The following BTD variants were observed in gnomAD, a reference collection of about 807,000 sequenced individuals.
BTD encodes the protein biocytinase.
BTD carries 13 observed loss-of-function variants against 17.7 expected under a neutral mutation model. The ratio of observed to expected loss-of-function variants is 0.74; its 90% CI spans 0.48 to 1.17. The LOEUF is 1.17. BTD is among the 50% of genes most tolerant of loss of function. The pLI, the probability that BTD is intolerant of heterozygous loss-of-function variation, is 0.00. For missense variants in BTD, 674 were observed against 650.4 expected, an observed-to-expected ratio of 1.04 and a Z score of -0.39; for synonymous variants, 240 against 245.2, an observed-to-expected ratio of 0.98 and a Z score of 0.20.
In BTD at chr3:15,644,503, A is replaced by T; in HGVS notation, c.587A>T (p.Tyr196Phe). The change falls in exon 4 of 4, where the codon TAC becomes TTC. Residue 196 changes from tyrosine to phenylalanine, a missense_variant. By Grantham distance (22) the Tyr-to-Phe change is conservative. Transcript: ENST00000643237. ...GACCGCTACCGTAAACACAACCTCT[A>T]CTTTGAGGCAGCATTCGATGTTCCT... is the stretch of plus-strand genomic sequence containing the variant. ...LVDRYRKHNLYFEAAFDVPLK... is the reference protein window; with the variant it reads ...LVDRYRKHNLFFEAAFDVPLK... 1 of 1,613,976 alleles carries T rather than the reference A, an allele frequency of 6.2e-7. No individual in the cohort carries two copies. The highest frequency in any genetic ancestry group is 8.5e-7 in the Non-Finnish European group (1 of 1,179,968).
At chr3:15,620,034 G>A (rs1447411103) in intron 1 of BTD, among the ~76,000 whole-genome samples, 2 of 152,182 alleles carry the variant, frequency 1.3e-5, no homozygotes, top group East Asian at 1.9e-4. Context: ...AGGGCAAAGG[G>A]CAAAAGCAGA....
At chr3:15,702,715 G>A (rs1248889414) in intron 3 of BTD, among the ~76,000 whole-genome samples, 1 of 152,090 alleles carries the variant, frequency 6.6e-6, no homozygotes, top group East Asian at 1.9e-4. Flanking sequence ...CAGAGCCCTG[G>A]GTAAGGACCA....
rs1042503366 is a variant in BTD at position 15,648,401 on chromosome 3, C to G, written c.*2913C>G. 6.6e-6 allele frequency among the ~76,000 whole-genome samples: 1 copy of G among 152,228 alleles called. No homozygotes were observed. The highest frequency in any genetic ancestry group is 1.5e-5 in the Non-Finnish European group (1 of 68,048). On this transcript the variant is annotated 3_prime_UTR_variant, in exon 4 of 4. Transcript: ENST00000643237. ...TTCCTTCTCAGGCCAGAGAAAGGTC[C>G]TGGTCTCCTGGCTTCAGTCTTTCAT...
chr3:15,646,737 T>C lies in BTD; in HGVS notation c.*1249T>C, dbSNP rs1339469171. Reference sequence around the variant, plus strand: ...TTAAATGTGGCCATTTAGTTTGAACTCCTTTTTAGTTATTTTAAACAGTAT... The same window carrying C: ...TTAAATGTGGCCATTTAGTTTGAACCCCTTTTTAGTTATTTTAAACAGTAT... On this transcript the variant is annotated 3_prime_UTR_variant, in exon 4 of 4. Coordinates refer to ENST00000643237, the MANE Select transcript of BTD (RefSeq NM_001370658.1). The C allele has an allele frequency of 1.3e-5, 2 of 152,206 alleles. No individual in the cohort carries two copies. The highest frequency in any genetic ancestry group is 2.9e-5 in the Non-Finnish European group (2 of 68,032). 9.4% of individuals were successfully genotyped at this position (152,206 alleles called of 1,614,324 possible). A position where few individuals can be genotyped will look rare whatever the true frequency, so the allele number is the denominator to read the frequency against.
intron 3 of BTD, among the ~76,000 whole-genome samples, chr3:15,674,196 A>AAAAAAAAAAAAAAAAGAAG (rs1470515364): frequency 7.7e-6 from 1 of 130,082 alleles, no homozygotes; most frequent in African/African-American, 3.3e-5. Flanking sequence ...AAAAAAAAAA[A>AAAAAAAAAAAAAAAAGAAG]AAGAAGAAGA....
chr3:15,645,109 G>C lies in BTD; in HGVS notation c.1193G>C (p.Cys398Ser), dbSNP rs397514410. The C allele has an allele frequency of 3.1e-6, 5 of 1,614,188 alleles. No individual in the cohort carries two copies. The highest frequency in any genetic ancestry group is 1.1e-5 in the South Asian group (1 of 91,076). ...VWGKEGYLHV[C>S]SNGLCCYLLY... ...GGAAAGGAAGGCTATCTCCACGTCT[G>C]TTCCAATGGCCTCTGCTGTTATTTA... The change falls in exon 4 of 4, where the codon TGT becomes TCT. Residue 398 changes from cysteine to serine, a missense_variant. Transcript: ENST00000643237.
At chr3:15,640,925 A>G (rs1036411154) in intron 2 of BTD, among the ~76,000 whole-genome samples, 1 of 152,330 alleles carries the variant, frequency 6.6e-6, no homozygotes, top group East Asian at 1.9e-4. Flanking sequence ...AAAAGTTTGC[A>G]ATGCATTCCA....
chr3:15,677,638 A>G, intron 3 of BTD: 1 of 1,139,610 alleles, frequency 8.8e-7, no homozygotes, highest in Non-Finnish European at 1.3e-6. Context: ...CTGTAGAGAA[A>G]TGAAGATACA....
chr3:15,719,679 C>T (rs1014676421), intron 4 of BTD, among the ~76,000 whole-genome samples: 6 of 152,028 alleles, frequency 3.9e-5, no homozygotes, highest in Non-Finnish European at 5.9e-5. Context: ...AGTGATCCTC[C>T]AGCCTCAGCC....
intron 3 of BTD, chr3:15,709,718 G>T: frequency 6.3e-7 from 1 of 1,574,872 alleles, no homozygotes; most frequent in Non-Finnish European, 8.6e-7. Flanking sequence ...TCAGCAGAAG[G>T]TTTAGGCACT....
rs2125519060 is a variant in BTD, at chr3:15,648,882, T to A, written c.*3394T>A. 1.3e-5 allele frequency among the ~76,000 whole-genome samples: 2 copies of A among 152,122 alleles called. No individual in the cohort carries two copies. The highest frequency in any genetic ancestry group is 4.2e-4 in the South Asian group (2 of 4,816). The stretch of plus-strand genomic sequence containing the variant: ...GACCATGTGACAACAGGGGCAGAGA[T>A]CACAGGGATGCCTCTACTAGACAAG... On this transcript the variant is annotated 3_prime_UTR_variant, in exon 4 of 4. Coordinates refer to ENST00000643237, the MANE Select transcript of BTD (RefSeq NM_001370658.1).
At chr3:15,686,817 C>A (rs2068178563) in intron 3 of BTD, among the ~76,000 whole-genome samples, 1 of 152,144 alleles carries the variant, frequency 6.6e-6, no homozygotes, top group Non-Finnish European at 1.5e-5. Context: ...ATTTTAGATG[C>A]AATCCTTAAA....
chr3:15,673,707 T>C (rs560997588), intron 3 of BTD, among the ~76,000 whole-genome samples: 1 of 152,262 alleles, frequency 6.6e-6, no homozygotes, highest in East Asian at 1.9e-4. Flanking sequence ...GTGACGAATT[T>C]AGTCATGGGA....
At chr3:15,670,232 T>G in intron 3 of BTD, 1 of 1,597,946 alleles carries the variant, frequency 6.3e-7, no homozygotes, top group Non-Finnish European at 8.6e-7. Flanking sequence ...AAGCACAGTT[T>G]GAAGCTTTAC....
chr3:15,692,205 C>T (rs1002709224), intron 3 of BTD, among the ~76,000 whole-genome samples: 3 of 149,742 alleles, frequency 2.0e-5, no homozygotes, highest in African/African-American at 7.3e-5. Flanking sequence ...TATCTCAGCA[C>T]TTTGGCAGGC....
intron 3 of BTD, among the ~76,000 whole-genome samples, chr3:15,664,343 G>C (rs745475400): frequency 6.6e-6 from 1 of 152,216 alleles, no homozygotes; most frequent in Non-Finnish European, 1.5e-5. Context: ...ATGAGGTTTT[G>C]AAAGAGCTCT....
At chr3:15,627,651 T>A (rs1249764635) in intron 1 of BTD, among the ~76,000 whole-genome samples, 1 of 152,380 alleles carries the variant, frequency 6.6e-6, no homozygotes, top group African/African-American at 2.4e-5. Context: ...AAATTGTTTC[T>A]TTCATAATTT....
chr3:15,601,697 C>T (rs754136061), upstream of BTD: 3 of 1,558,302 alleles, frequency 1.9e-6, no homozygotes, highest in Non-Finnish European at 2.6e-6. Flanking sequence ...GCTCTCTTCT[C>T]GGCTCCTCCA....
chr3:15,703,683 A>C (rs538332302), intron 3 of BTD, among the ~76,000 whole-genome samples: 1 of 152,220 alleles, frequency 6.6e-6, no homozygotes, highest in South Asian at 2.1e-4. Context: ...ATACCAGTCC[A>C]AACAGACTAA....
Sources: gnomAD v4.1 joint callset for allele counts (sites outside exome capture counted in the v4.1 genomes callset) on GRCh38, gnomAD v4.1.1 for gene constraint, MANE v1.5 for transcripts, NCBI Gene and HGNC (gene_info 2026-07-23, HGNC 2026-07-21) for gene names.